CCDC102A: variants seen among roughly 807,000 people sequenced by gnomAD.
CCDC102A encodes the protein coiled-coil domain-containing protein 102A.
Under a neutral mutation model 55.5 loss-of-function variants are expected in CCDC102A, and 40 were observed. The observed-to-expected ratio is 0.72, with a 90% CI of 0.56 to 0.94. CCDC102A has a LOEUF of 0.94. CCDC102A is among the 40% of genes least tolerant of loss of function. The probability of loss-of-function intolerance (pLI) is 0.00; values close to 1 mark genes in which losing one functional copy is unlikely to be tolerated. For missense variants in CCDC102A, 779 were observed against 768.6 expected, an observed-to-expected ratio of 1.01 and a Z score of -0.16; for synonymous variants, 323 against 339.0, an observed-to-expected ratio of 0.95 and a Z score of 0.52.
rs1423929971 is a variant in CCDC102A, at chr16:57,528,891, C to A, written c.287G>T (p.Arg96Leu). 1 of 1,402,600 alleles carries A rather than the reference C, an allele frequency of 7.1e-7. No individual in the cohort carries two copies. The highest frequency in any genetic ancestry group is 9.3e-7 in the Non-Finnish European group (1 of 1,072,490). 86.9% of individuals were successfully genotyped at this position (1,402,600 alleles called of 1,614,324 possible). ...RAAQMEKTMR[R>L]WSDCTANWRE... is the part of the protein sequence containing the mutation. ...CCAATTGGCAGTGCAGTCCGACCAC[C>A]GGCGCATGGTCTTCTCCATCTGCGC... The change falls in exon 2 of 9, where the codon CGG becomes CTG. Residue 96 changes from arginine to leucine, a missense_variant. By Grantham distance (102) the Arg-to-Leu change is moderately radical (BLOSUM62 -2). Coordinates refer to ENST00000258214, the MANE Select transcript of CCDC102A (RefSeq NM_033212.4).
chr16:57,527,056 C>T (rs930529620), intron 2 of CCDC102A, among the ~76,000 whole-genome samples: 1 of 152,206 alleles, frequency 6.6e-6, no homozygotes, highest in Non-Finnish European at 1.5e-5. Context: ...CAGCATTGTG[C>T]GCAGTGAACA....
chr16:57,515,272 C>T, intron 8 of CCDC102A, 69 bp downstream of exon 8: 3 of 993,278 alleles, frequency 3.0e-6, no homozygotes, highest in Non-Finnish European at 4.7e-6. Flanking sequence ...GGTTTGGGCT[C>T]CGTCCCTGAC....
chr16:57,530,742 T>C (rs559068346), intron 1 of CCDC102A, among the ~76,000 whole-genome samples: 22 of 152,152 alleles, frequency 1.4e-4, no homozygotes, highest in African/African-American at 5.3e-4. Context: ...TCCAGGGGTC[T>C]TACCCCTGCT....
chr16:57,534,761 G>A (rs1208948624), intron 1 of CCDC102A, among the ~76,000 whole-genome samples: 1 of 152,182 alleles, frequency 6.6e-6, no homozygotes, highest in Non-Finnish European at 1.5e-5. Flanking sequence ...GGAGTCAGTC[G>A]GTGGCCAGGC....
chr16:57,513,389 C>T (rs750545601), intron 8 of CCDC102A, among the ~76,000 whole-genome samples: 8 of 152,198 alleles, frequency 5.3e-5, no homozygotes, highest in Non-Finnish European at 1.0e-4. Context: ...AAGGAAATGC[C>T]GATCCCTCCC....
intron 1 of CCDC102A, among the ~76,000 whole-genome samples, chr16:57,530,644 T>C (rs1450329193): frequency 2.6e-5 from 4 of 152,050 alleles, no homozygotes; most frequent in Non-Finnish European, 4.4e-5. Flanking sequence ...GGCCCCCTCC[T>C]CTCTGCCCCT....
intron 4 of CCDC102A, among the ~76,000 whole-genome samples, 168 bp from the exon 5 acceptor site, chr16:57,518,909 T>C (rs763793260): frequency 4.6e-5 from 7 of 152,070 alleles, no homozygotes; most frequent in Non-Finnish European, 1.0e-4. Context: ...CCACTTCTGC[T>C]CCTCCCAATG....
Position 57,516,301 on chromosome 16 carries a change from C to T in CCDC102A, c.1411G>A (p.Glu471Lys). 6.2e-7 allele frequency: 1 copy of T among 1,604,948 alleles called. No individual in the cohort carries two copies. Among genetic ancestry groups the T allele is most frequent in the Non-Finnish European group, 8.5e-7 (1 of 1,179,984 alleles). ...EELKKELAQA[E>K]DELDEAHNQA... ...CCCTCTGTGGTCCTCACCTCGTCCT[C>T]AGCCTGGGCCAGCTCCTTCTTGAGC... The change falls in exon 7 of 9, where the codon GAG becomes AAG. Residue 471 changes from glutamate to lysine, a missense_variant. Glu to Lys is a moderately conservative substitution (Grantham distance 56). Coordinates refer to ENST00000258214, the MANE Select transcript of CCDC102A (RefSeq NM_033212.4). The surrounding 1 kb of genome is among the most constrained non-coding windows in gnomAD (Gnocchi z 4.4).
At chr16:57,524,169 A>G (rs1221749266) in intron 3 of CCDC102A, among the ~76,000 whole-genome samples, 2 of 152,040 alleles carry the variant, frequency 1.3e-5, no homozygotes, top group Non-Finnish European at 2.9e-5. Context: ...TGCAGGGAAC[A>G]TAGTCTACAA....
Position 57,516,292 on chromosome 16 carries a change from C to T in CCDC102A, c.1419+1G>A. 6.2e-7 allele frequency: 1 copy of T among 1,603,802 alleles called. No homozygotes were observed. The highest frequency in any genetic ancestry group is 8.5e-7 in the Non-Finnish European group (1 of 1,179,924). ...TGCCCCTGCCCCTCTGTGGTCCTCA[C>T]CTCGTCCTCAGCCTGGGCCAGCTCC... On this transcript the variant is annotated splice_donor_variant, in intron 7 of 8. Transcript: ENST00000258214. LOFTEE classifies it high-confidence loss of function. The surrounding 1 kb of genome is among the most constrained non-coding windows in gnomAD (Gnocchi z 4.4).
chr16:57,532,945 G>A (rs1410379498), intron 1 of CCDC102A, among the ~76,000 whole-genome samples: 2 of 152,210 alleles, frequency 1.3e-5, no homozygotes, highest in Non-Finnish European at 2.9e-5. Flanking sequence ...GAGCCTGGCA[G>A]GGAGGGGGCC....
intron 8 of CCDC102A, among the ~76,000 whole-genome samples, chr16:57,513,591 C>T (rs1327071235): frequency 2.6e-5 from 4 of 152,246 alleles, no homozygotes; most frequent in Non-Finnish European, 4.4e-5. Flanking sequence ...CCACCCTCCC[C>T]GATGGAAGCA....
chr16:57,519,848 C>G (rs914292588), intron 4 of CCDC102A, among the ~76,000 whole-genome samples: 1 of 152,218 alleles, frequency 6.6e-6, no homozygotes, highest in African/African-American at 2.4e-5. Flanking sequence ...TCTTGGTCCC[C>G]TCCAGGACAG....
chr16:57,518,406 T>G, intron 5 of CCDC102A, 129 bp from the exon 6 acceptor site: 1 of 907,300 alleles, frequency 1.1e-6, no homozygotes, highest in East Asian at 2.5e-5. Context: ...TTGGCTGTAA[T>G]TAAGCTGGGC....
Position 57,516,582 on chromosome 16 carries a change from G to C in CCDC102A, c.1249-119C>G, listed in dbSNP as rs1390268383. On this transcript the variant is annotated intron_variant, in intron 6 of 8. Transcript: ENST00000258214. This position sits in a 1 kb window ranked among gnomAD's most constrained non-coding sequence, Gnocchi z 4.4. ...GGATGCTGGGTGTCTCTCCTTCCCA[G>C]AATCTCTCCATCTGTTGTCTGAAGT... 4 of 787,062 alleles carry C rather than the reference G, an allele frequency of 5.1e-6. No individual in the cohort carries two copies. The highest frequency in any genetic ancestry group is 8.3e-6 in the Non-Finnish European group (4 of 480,068). The allele number at this position is 787,062 out of a possible 1,614,324, so 48.8% of individuals were successfully genotyped here.
In CCDC102A at chr16:57,516,397, G is replaced by A; in HGVS notation, c.1315C>T (p.Leu439=). The change falls in exon 7 of 9, where the codon CTG becomes TTG. Residue 439 remains leucine, a synonymous_variant. Coordinates refer to ENST00000258214, the MANE Select transcript of CCDC102A (RefSeq NM_033212.4). The surrounding 1 kb of genome is among the most constrained non-coding windows in gnomAD (Gnocchi z 4.4). ...KKQFQEKVAE[L]AHANRRVEQH... ...TCCACCCGCCGGTTGGCATGTGCCA[G>A]CTCTGCCACCTTCTCCTGGAACTGC... 6.2e-7 allele frequency: 1 copy of A among 1,609,900 alleles called. No individual in the cohort carries two copies. Among genetic ancestry groups the A allele is most frequent in the Non-Finnish European group, 8.5e-7 (1 of 1,179,992 alleles).
At chr16:57,536,218 C>T (rs1241024930) in intron 1 of CCDC102A, among the ~76,000 whole-genome samples, 1 of 152,070 alleles carries the variant, frequency 6.6e-6, no homozygotes, top group Non-Finnish European at 1.5e-5. Flanking sequence ...CGCCCCCTCC[C>T]GTCCGGCCCG....
chr16:57,528,684 C>T lies in CCDC102A; in HGVS notation c.494G>A (p.Gly165Glu), dbSNP rs560678469. The change falls in exon 2 of 9, where the codon GGG (glycine) becomes GAG (glutamate). Residue 165 changes from glycine (G) to glutamate (E), a missense_variant. By Grantham distance (98) the Gly-to-Glu change is moderately conservative (BLOSUM62 -2). Transcript: ENST00000258214. ...GCCGTCGCGCGTCTGGTCGGCGACC[C>T]CCCGGGCGCCCCTCAGCCGCGCCAG... Reference protein sequence around the residue: ...RELARLRGARGVADQTRDGPE... With the variant: ...RELARLRGAREVADQTRDGPE... The T allele has an allele frequency of 1.8e-4, 206 of 1,123,976 alleles. 2 individuals are homozygous for T. The African/African-American group carries it at 3.1e-3, about 17-fold the overall frequency. 69.6% of individuals were successfully genotyped at this position (1,123,976 alleles called of 1,614,324 possible).
chr16:57,517,928 C>T (rs745864050), intron 6 of CCDC102A, 140 bp downstream of exon 6: 61 of 982,480 alleles, frequency 6.2e-5, no homozygotes, highest in Non-Finnish European at 8.3e-5. Flanking sequence ...CTATAATTAC[C>T]AACTGGTCTA....
Sources: allele counts gnomAD v4.1 joint callset (sites outside exome capture counted in the v4.1 genomes callset), GRCh38; gene constraint gnomAD v4.1.1; non-coding constraint Gnocchi (gnomAD v3.1); transcripts MANE v1.5; gene names NCBI Gene and HGNC (gene_info 2026-07-23, HGNC 2026-07-21).